The following PPP3CB variants were observed in gnomAD, a reference collection of about 807,000 sequenced individuals.
The protein encoded by PPP3CB is serine/threonine-protein phosphatase 2B catalytic subunit beta isoform.
A neutral mutation model predicts 66.4 loss-of-function variants in PPP3CB; 8 were observed. That is an observed-to-expected ratio of 0.12 (90% CI 0.07 to 0.22). The LOEUF (loss-of-function observed/expected upper bound fraction) is 0.22, where lower values mean the gene tolerates loss of function less well. Among genes scored for constraint, PPP3CB ranks in the 10% least tolerant of loss-of-function variants. The probability of loss-of-function intolerance (pLI) is 1.00; values close to 1 mark genes in which losing one functional copy is unlikely to be tolerated. For missense variants in PPP3CB, 319 were observed against 642.5 expected (o/e 0.50, Z 5.44); for synonymous variants, 208 against 221.2 (o/e 0.94, Z 0.53).
chr10:73,488,594 T>C (rs1219554022), intron 1 of PPP3CB, among the ~76,000 whole-genome samples: 4 of 147,672 alleles, frequency 2.7e-5, no homozygotes, highest in Non-Finnish European at 6.0e-5. Flanking sequence ...AAGAATGATA[T>C]AACCATTTGC....
intron 10 of PPP3CB, among the ~76,000 whole-genome samples, chr10:73,451,453 T>A (rs1325236468): frequency 6.6e-6 from 1 of 151,958 alleles, no homozygotes; most frequent in East Asian, 1.9e-4. Context: ...AACTTGATAA[T>A]GACAAAATTT....
intron 8 of PPP3CB, among the ~76,000 whole-genome samples, chr10:73,470,056 C>A (rs1448124792): frequency 6.6e-6 from 1 of 151,964 alleles, no homozygotes; most frequent in Non-Finnish European, 1.5e-5. Flanking sequence ...AAAATGAAAT[C>A]CAATTACTAT....
In PPP3CB at chr10:73,452,416, C is replaced by A. The variant is rs186003781; in HGVS notation, c.1186+1996G>T. Among the ~76,000 whole-genome samples, 4 of 152,262 alleles carry A rather than the reference C, an allele frequency of 2.6e-5. No homozygotes were observed. The East Asian group carries it at 7.7e-4, about 29-fold the overall frequency. On this transcript the variant is annotated intron_variant, in intron 10 of 13. Transcript: ENST00000360663. ...ATATCTATTTGAAACTATTCAATGG[C>A]TGGGCATGGTGGCTCACGCCTGTAA...
At chr10:73,446,148 A>G (rs2056248402) in intron 11 of PPP3CB, among the ~76,000 whole-genome samples, 1 of 144,196 alleles carries the variant, frequency 6.9e-6, no homozygotes, top group Admixed American at 7.0e-5. Flanking sequence ...TCAGTCGCCC[A>G]GTCTGGAGTG....
intron 1 of PPP3CB, among the ~76,000 whole-genome samples, chr10:73,491,028 T>TG (rs1240138077): frequency 8.2e-5 from 9 of 109,912 alleles, no homozygotes; most frequent in Admixed American, 1.6e-4. Flanking sequence ...TATTGTTTTT[T>TG]TTTTTTTTTT....
intron 3 of PPP3CB, among the ~76,000 whole-genome samples, 163 bp from the exon 4 acceptor site, chr10:73,475,193 T>A (rs1400919422): frequency 6.6e-6 from 1 of 152,206 alleles, no homozygotes; most frequent in Non-Finnish European, 1.5e-5. Flanking sequence ...TGTCATCTTA[T>A]TCACTTTTGA....
chr10:73,480,778 C>A (rs974435174), intron 1 of PPP3CB, among the ~76,000 whole-genome samples: 2 of 152,096 alleles, frequency 1.3e-5, no homozygotes, highest in African/African-American at 4.8e-5. Context: ...GTTCCCATTT[C>A]ATCATAGTTA....
intron 12 of PPP3CB, chr10:73,444,332 A>G: frequency 2.2e-6 from 1 of 447,604 alleles, no homozygotes; most frequent in Non-Finnish European, 3.9e-6. Context: ...AAAAAATTAA[A>G]AAAGAAACTT....
At chr10:73,444,939 C>T in intron 11 of PPP3CB, 117 bp from the exon 12 acceptor site, 1 of 1,030,352 alleles carries the variant, frequency 9.7e-7, no homozygotes, top group Admixed American at 2.8e-5. Context: ...TTGCTATTAC[C>T]ATATTTTCCT....
chr10:73,483,825 G>A (rs766394450), intron 1 of PPP3CB, among the ~76,000 whole-genome samples: 4 of 152,046 alleles, frequency 2.6e-5, no homozygotes, highest in Non-Finnish European at 5.9e-5. Context: ...GCTCAATAGA[G>A]AGTTAAAATT....
chr10:73,476,884 C>CAA (rs1470084223), intron 3 of PPP3CB, among the ~76,000 whole-genome samples: 1 of 151,018 alleles, frequency 6.6e-6, no homozygotes, highest in Non-Finnish European at 1.5e-5. Flanking sequence ...GCAGGACAGA[C>CAA]AGAGTCTAGA....
At chr10:73,489,816 T>C (rs972905804) in intron 1 of PPP3CB, among the ~76,000 whole-genome samples, 8 of 152,202 alleles carry the variant, frequency 5.3e-5, no homozygotes, top group Non-Finnish European at 1.2e-4. Context: ...ATACATTTCA[T>C]GCTTTTTTCA....
At chr10:73,484,421 C>T (rs1377982563) in intron 1 of PPP3CB, among the ~76,000 whole-genome samples, 1 of 151,832 alleles carries the variant, frequency 6.6e-6, no homozygotes, top group East Asian at 2.0e-4. Flanking sequence ...CAGGCACCTG[C>T]CACCACGCCC....
rs141902241 is a variant in PPP3CB at position 73,494,311 on chromosome 10, G to A, written c.85+1494C>T. Among the ~76,000 whole-genome samples, 1,329 of 152,200 alleles carry A rather than the reference G, an allele frequency of 8.7e-3. 11 individuals are homozygous for A. Among genetic ancestry groups the A allele is most frequent in the Non-Finnish European group, 0.016 (1,065 of 68,014 alleles). ...GTTTTTGTTTTTGTTTTTGGAGACA[G>A]GGTCTGGCTCTGTCGTCCAGGTTGG... On this transcript the variant is annotated intron_variant, in intron 1 of 13. Transcript: ENST00000360663.
chr10:73,453,327 AAT>A (rs146882744), intron 10 of PPP3CB, among the ~76,000 whole-genome samples: 7,075 of 152,208 alleles, frequency 0.046, 498 homozygotes, highest in African/African-American at 0.15. Flanking sequence ...CTATTATACA[AAT>A]ATGTTTATTT....
chr10:73,445,458 T>G (rs2056231857), intron 11 of PPP3CB, among the ~76,000 whole-genome samples: 1 of 152,210 alleles, frequency 6.6e-6, no homozygotes, highest in South Asian at 2.1e-4. Flanking sequence ...AACTTCTTTT[T>G]CTTTTTGAGA....
At chr10:73,467,481 G>A in intron 9 of PPP3CB, 72 bp downstream of exon 9, 1 of 1,226,172 alleles carries the variant, frequency 8.2e-7, no homozygotes, top group East Asian at 2.8e-5. Flanking sequence ...TAGCAAGTAT[G>A]TGCCTATGAT....
intron 12 of PPP3CB, among the ~76,000 whole-genome samples, chr10:73,442,330 G>A (rs968807610): frequency 2.1e-4 from 32 of 152,200 alleles, no homozygotes; most frequent in Middle Eastern, 3.2e-3. Flanking sequence ...GCTTCAAGCC[G>A]TGTACAAATT....
intron 12 of PPP3CB, among the ~76,000 whole-genome samples, chr10:73,443,324 G>GAAAGAAAGAAAGAAAGAA (rs1554821619): frequency 1.5e-5 from 2 of 136,954 alleles, no homozygotes; most frequent in Non-Finnish European, 3.1e-5. Context: ...AAGAAAGAAA[G>GAAAGAAAGAAAGAAAGAA]AAAGAAAAAG....
Sources: allele counts gnomAD v4.1 joint callset (sites outside exome capture counted in the v4.1 genomes callset), GRCh38; gene constraint gnomAD v4.1.1; transcripts MANE v1.5; gene names NCBI Gene and HGNC (gene_info 2026-07-23, HGNC 2026-07-21).